Variants in HHLA2 observed in about 807,000 individuals in gnomAD.
HHLA2 encodes the protein HERV-H LTR-associating protein 2.
HHLA2 carries 48 observed loss-of-function variants against 45.9 expected under a neutral mutation model. The observed-to-expected ratio is 1.05, with a 90% confidence interval of 0.83 to 1.33. The LOEUF (loss-of-function observed/expected upper bound fraction) is 1.33. Among genes scored for constraint, HHLA2 ranks in the 40% most tolerant of loss-of-function variants. The probability of loss-of-function intolerance (pLI) is 0.00; values close to 1 mark genes in which losing one functional copy is unlikely to be tolerated. For synonymous variants in HHLA2, 161 were observed against 173.9 expected (o/e 0.93, Z 0.59); for missense variants, 462 against 494.3 (o/e 0.93, Z 0.62).
At chr3:108,365,789 G>T (rs2082053697) in intron 8 of HHLA2, among the ~76,000 whole-genome samples, 1 of 152,140 alleles carries the variant, frequency 6.6e-6, no homozygotes, top group Non-Finnish European at 1.5e-5. Flanking sequence ...CTGTTTGTCT[G>T]TTATTGGTGT....
chr3:108,303,249 C>G (rs1262229386), intron 1 of HHLA2, among the ~76,000 whole-genome samples: 1 of 152,166 alleles, frequency 6.6e-6, no homozygotes, highest in Non-Finnish European at 1.5e-5. Context: ...TATCCTAATA[C>G]TGTGTCATTT....
chr3:108,357,860 G>A (rs550649314), exon 7 of HHLA2: 1 of 1,605,636 alleles, frequency 6.2e-7, no homozygotes, highest in Non-Finnish European at 8.5e-7. Context: ...TTCATAAAAT[G>A]CAAAGTGAAC....
At chr3:108,333,538 A>G (rs2081420783) in intron 3 of HHLA2, among the ~76,000 whole-genome samples, 1 of 147,042 alleles carries the variant, frequency 6.8e-6, no homozygotes, top group African/African-American at 2.5e-5. Context: ...CCTGGATTTT[A>G]TCTTGCAACC....
rs372052636 is a variant in HHLA2, at chr3:108,357,855, A to G, written c.697A>G (p.Lys233Glu). 9.0e-5 allele frequency: 145 copies of G among 1,603,642 alleles called. No individual in the cohort carries two copies. Among genetic ancestry groups the G allele is most frequent in the Admixed American group, 2.6e-4 (15 of 58,606 alleles). The stretch of plus-strand genomic sequence containing the variant: ...TATTGTGTTGTTAGATGGCCTTCAT[A>G]AAATGCAAAGTGAACACGTTTCACT... The change falls in exon 7 of 11, where the codon AAA (lysine) becomes GAA (glutamate). Residue 233 changes from lysine (K) to glutamate (E), a missense_variant. Coordinates refer to ENST00000619531, the Ensembl canonical transcript of HHLA2.
intron 7 of HHLA2, among the ~76,000 whole-genome samples, chr3:108,361,341 G>A (rs2081981547): frequency 6.6e-6 from 1 of 152,176 alleles, no homozygotes; most frequent in Non-Finnish European, 1.5e-5. Context: ...CCTTGAAGGT[G>A]AATCCTCCCT....
chr3:108,336,190 T>A (rs934664350), intron 3 of HHLA2, among the ~76,000 whole-genome samples: 1 of 152,166 alleles, frequency 6.6e-6, no homozygotes. Flanking sequence ...ATGTTCCCTA[T>A]TTATGAAGTA....
intron 3 of HHLA2, among the ~76,000 whole-genome samples, chr3:108,338,876 G>A (rs958419202): frequency 6.6e-6 from 1 of 152,142 alleles, no homozygotes; most frequent in African/African-American, 2.4e-5. Context: ...ATTCATAAAT[G>A]TCCCCTACAC....
At chr3:108,318,692 T>C (rs759175484) in intron 2 of HHLA2, among the ~76,000 whole-genome samples, 2 of 152,188 alleles carry the variant, frequency 1.3e-5, no homozygotes, top group African/African-American at 2.4e-5. Context: ...GAAACAATAC[T>C]AACATTTTAC....
intron 9 of HHLA2, 65 bp from the exon 9 acceptor site, chr3:108,376,428 G>A: frequency 8.1e-7 from 1 of 1,240,332 alleles, no homozygotes; most frequent in Non-Finnish European, 1.1e-6. Context: ...ATTGAGATAG[G>A]ACTAAGGGAG....
intron 3 of HHLA2, among the ~76,000 whole-genome samples, chr3:108,343,750 A>G (rs555018667): frequency 6.6e-6 from 1 of 152,202 alleles, no homozygotes; most frequent in East Asian, 1.9e-4. Context: ...GGGAATGACG[A>G]TTGCTGGATA....
chr3:108,325,448 C>T (rs2081270524), intron 2 of HHLA2: 4 of 385,436 alleles, frequency 1.0e-5, no homozygotes, highest in South Asian at 2.0e-5. Context: ...TAACCTGTAC[C>T]TCCCCTGTCA....
intron 1 of HHLA2, among the ~76,000 whole-genome samples, chr3:108,299,920 G>A (rs2080822849): frequency 6.6e-6 from 1 of 152,156 alleles, no homozygotes. Flanking sequence ...GAGCACAGTT[G>A]GATGACGAGA....
intron 1 of HHLA2, among the ~76,000 whole-genome samples, chr3:108,301,229 T>A (rs2080843898): frequency 1.3e-5 from 2 of 152,222 alleles, no homozygotes; most frequent in African/African-American, 4.8e-5. Context: ...TTCTAATTCC[T>A]GTTCACTCTT....
chr3:108,330,990 A>C (rs976995474), intron 3 of HHLA2, among the ~76,000 whole-genome samples: 1 of 152,174 alleles, frequency 6.6e-6, no homozygotes, highest in African/African-American at 2.4e-5. Context: ...CCAAGGAAAG[A>C]AAGTGCTGTT....
intron 3 of HHLA2, among the ~76,000 whole-genome samples, chr3:108,339,398 C>T (rs1267706720): frequency 1.3e-5 from 2 of 152,262 alleles, no homozygotes; most frequent in East Asian, 1.9e-4. Flanking sequence ...ATAAGCCCAA[C>T]TTAATTTAGT....
At position 108,355,208 on chromosome 3, in the gene HHLA2, C is replaced by T. The variant is rs749699242; in HGVS notation, c.512C>T (p.Thr171Met). The stretch of plus-strand genomic sequence containing the variant: ...AGTGTTTATCCTCGTCCAATTATCA[C>T]GTGGAAAATGGACAACACACCTATC... The change falls in exon 6 of 11, where the codon ACG becomes ATG. Residue 171 changes from threonine (T) to methionine (M), a missense_variant. Thr to Met is a moderately conservative substitution (Grantham distance 81). Coordinates refer to ENST00000619531, the Ensembl canonical transcript of HHLA2. The T allele has an allele frequency of 5.0e-6, 8 of 1,613,650 alleles. No homozygotes were observed. In the East Asian group the frequency reaches 1.1e-4, roughly 22 times the overall value.
chr3:108,342,202 T>C (rs767072177), intron 3 of HHLA2, among the ~76,000 whole-genome samples: 5 of 152,234 alleles, frequency 3.3e-5, no homozygotes, highest in Admixed American at 6.5e-5. Flanking sequence ...TTTAATGGTA[T>C]TCTATTACAT....
intron 2 of HHLA2, among the ~76,000 whole-genome samples, chr3:108,311,296 T>G (rs1185135118): frequency 6.6e-6 from 1 of 152,134 alleles, no homozygotes; most frequent in Non-Finnish European, 1.5e-5. Flanking sequence ...CAAAGACACA[T>G]GTAAATATGC....
At position 108,375,110 on chromosome 3, in the gene HHLA2, G is replaced by C. The variant is rs1189774735; in HGVS notation, c.1109-640G>C. 2.6e-4 allele frequency among the ~76,000 whole-genome samples: 40 copies of C among 151,670 alleles called. 1 individual carries two copies. Among genetic ancestry groups the C allele is most frequent in the African/African-American group, 8.9e-4 (37 of 41,344 alleles). On this transcript the variant is annotated intron_variant, in intron 8 of 10. Coordinates refer to ENST00000619531, the Ensembl canonical transcript of HHLA2. Reference sequence around the variant, plus strand: ...GTCCAACAATGATAGACTGGATTAAGAAAATGTGACACATATACACCATGG... The same window carrying C: ...GTCCAACAATGATAGACTGGATTAACAAAATGTGACACATATACACCATGG...
Sources: gnomAD v4.1 joint callset for allele counts (sites outside exome capture counted in the v4.1 genomes callset) on GRCh38, gnomAD v4.1.1 for gene constraint, MANE v1.5 for transcripts, NCBI Gene and HGNC (gene_info 2026-07-23, HGNC 2026-07-21) for gene names.